PCDHA12: variants seen among roughly 807,000 people sequenced by gnomAD.
PCDHA12 encodes protocadherin alpha-12.
A neutral mutation model predicts 60.0 loss-of-function variants in PCDHA12; 44 were observed. The ratio of observed to expected loss-of-function variants is 0.73; its 90% CI spans 0.58 to 0.94. The LOEUF is 0.94. Among genes scored for constraint, PCDHA12 ranks in the 40% least tolerant of loss-of-function variants. The probability of loss-of-function intolerance (pLI) is 0.00; values close to 1 mark genes in which losing one functional copy is unlikely to be tolerated. For synonymous variants in PCDHA12, 569 were observed against 553.0 expected, an observed-to-expected ratio of 1.03 and a Z score of -0.40; for missense variants, 1,276 against 1,239.7, an observed-to-expected ratio of 1.03 and a Z score of -0.44.
At chr5:140,992,188 T>C (rs1193005639) in intron 3 of PCDHA12, among the ~76,000 whole-genome samples, 6 of 152,140 alleles carry the variant, frequency 3.9e-5, no homozygotes, top group African/African-American at 1.4e-4. Flanking sequence ...ATGCTTTCAG[T>C]GATCTATCCA....
chr5:140,938,945 T>C (rs1390189208), intron 1 of PCDHA12, among the ~76,000 whole-genome samples: 8 of 152,154 alleles, frequency 5.3e-5, no homozygotes, highest in African/African-American at 1.9e-4. Flanking sequence ...TCCATTCTTA[T>C]AATGCTCTAG....
At chr5:140,881,399 T>A in intron 1 of PCDHA12, 1 of 975,578 alleles carries the variant, frequency 1.0e-6, no homozygotes, top group Non-Finnish European at 1.2e-6. Flanking sequence ...TTAAATTCTA[T>A]TAAATCAATA....
chr5:140,928,719 T>C (rs1554206226), intron 1 of PCDHA12: 31 of 1,614,044 alleles, frequency 1.9e-5, no homozygotes, highest in Non-Finnish European at 2.5e-5. Flanking sequence ...CTAGTCTCTT[T>C]AGAATTTCAG....
At chr5:140,912,652 G>A (rs555103404) in intron 1 of PCDHA12, among the ~76,000 whole-genome samples, 2 of 152,132 alleles carry the variant, frequency 1.3e-5, no homozygotes, top group South Asian at 2.1e-4. Context: ...TTGAATAGAA[G>A]TGGTGAAAAT....
intron 1 of PCDHA12, among the ~76,000 whole-genome samples, chr5:140,897,778 T>C (rs1402383058): frequency 2.0e-5 from 3 of 152,208 alleles, no homozygotes; most frequent in Non-Finnish European, 2.9e-5. Context: ...ACTTCCACAA[T>C]GGTTGAACTA....
rs782227729 is a variant in PCDHA12 at position 140,875,769 on chromosome 5, C to A, written c.297C>A (p.Ser99Arg). 1 of 1,614,224 alleles carries A rather than the reference C, an allele frequency of 6.2e-7. No individual in the cohort carries two copies. The highest frequency in any genetic ancestry group is 1.1e-5 in the South Asian group (1 of 91,086). Residue 99 changes from serine (S) to arginine (R), a missense_variant, in exon 1 of 4, where the codon AGC becomes AGA. By Grantham distance (110) the Ser-to-Arg change is moderately radical. Transcript: ENST00000398631. ...RIDREKLCGR[S>R]AECSIHLEVI... ...ACCGCGAGAAGCTGTGCGGGCGGAG[C>A]GCGGAGTGCAGTATCCACCTGGAGG...
rs1350835757 is a variant in PCDHA12, at chr5:141,010,856, A to G, written c.*919A>G. Reference sequence around the variant, plus strand: ...CATAGATTTATTTAAAAAAAGAGAAAGTCTATAGCTATAAATCTTTAAAGA... The same window carrying G: ...CATAGATTTATTTAAAAAAAGAGAAGGTCTATAGCTATAAATCTTTAAAGA... On this transcript the variant is annotated 3_prime_UTR_variant, in exon 4 of 4. Coordinates refer to ENST00000398631, the MANE Select transcript of PCDHA12 (RefSeq NM_018903.4). The G allele has an allele frequency of 1.3e-5, 2 of 153,800 alleles. No homozygotes were observed. Among genetic ancestry groups the G allele is most frequent in the African/African-American group, 2.4e-5 (1 of 41,464 alleles). The allele number at this position is 153,800 out of a possible 1,614,324, so 9.5% of individuals were successfully genotyped here. A position where few individuals can be genotyped will look rare whatever the true frequency, so the allele number is the denominator to read the frequency against.
At chr5:140,995,860 A>C (rs1220139939) in intron 3 of PCDHA12, among the ~76,000 whole-genome samples, 1 of 152,220 alleles carries the variant, frequency 6.6e-6, no homozygotes, top group Non-Finnish European at 1.5e-5. Flanking sequence ...CGTATCACTT[A>C]ATAATTGTGC....
intron 1 of PCDHA12, among the ~76,000 whole-genome samples, chr5:140,925,600 A>G (rs1489455075): frequency 6.6e-6 from 1 of 151,508 alleles, no homozygotes; most frequent in African/African-American, 2.4e-5. Context: ...TACATATGTA[A>G]CAAACCTGCA....
rs920860677 is a variant in PCDHA12, at chr5:140,985,387, C to T, written c.2515+2824C>T. Among the ~76,000 whole-genome samples the T allele has an allele frequency of 3.0e-4, 45 of 152,272 alleles. 1 individual carries two copies. Among genetic ancestry groups the T allele is most frequent in the African/African-American group, 9.9e-4 (41 of 41,542 alleles). On this transcript the variant is annotated intron_variant, in intron 3 of 3. Transcript: ENST00000398631. ...GTTATCTGGGTCTATATAATCCAGTCACCCCAACTGTTCCCCTGGAAATGG... is the reference window on the plus strand; with the variant it reads ...GTTATCTGGGTCTATATAATCCAGTTACCCCAACTGTTCCCCTGGAAATGG...
At chr5:140,888,956 G>A (rs1043287613) in intron 1 of PCDHA12, among the ~76,000 whole-genome samples, 1 of 151,722 alleles carries the variant, frequency 6.6e-6, no homozygotes, top group Non-Finnish European at 1.5e-5. Context: ...TTTTTCTTTG[G>A]CAATGTTAAT....
At chr5:140,962,719 T>G (rs928199903) in intron 1 of PCDHA12, among the ~76,000 whole-genome samples, 1 of 152,224 alleles carries the variant, frequency 6.6e-6, no homozygotes, top group Non-Finnish European at 1.5e-5. Flanking sequence ...TTGGAAAGTA[T>G]TTTCCTTCTG....
intron 1 of PCDHA12, among the ~76,000 whole-genome samples, chr5:140,885,862 T>C (rs2060742623): frequency 6.6e-6 from 1 of 152,182 alleles, no homozygotes; most frequent in African/African-American, 2.4e-5. Flanking sequence ...TACTTTTCTA[T>C]TGAAAAAAAA....
rs191125107 is a variant in PCDHA12 at position 140,991,229 on chromosome 5, G to A, written c.2515+8666G>A. 1.4e-3 allele frequency among the ~76,000 whole-genome samples: 211 copies of A among 152,246 alleles called. 1 individual carries two copies. The highest frequency in any genetic ancestry group is 4.8e-3 in the African/African-American group (201 of 41,560). On this transcript the variant is annotated intron_variant, in intron 3 of 3. Coordinates refer to ENST00000398631, the MANE Select transcript of PCDHA12 (RefSeq NM_018903.4). ...AATTTTGTTAAATTCATTAATAAAT[G>A]CAGTGGTAAAGGCAGTATTTGAACT... is the stretch of plus-strand genomic sequence containing the variant.
At chr5:140,911,663 T>G (rs2075591717) in intron 1 of PCDHA12, among the ~76,000 whole-genome samples, 1 of 152,206 alleles carries the variant, frequency 6.6e-6, no homozygotes, top group Non-Finnish European at 1.5e-5. Context: ...CTAAACTCCT[T>G]GCCTCTCACG....
chr5:140,953,778 A>G (rs782648195), intron 1 of PCDHA12, among the ~76,000 whole-genome samples: 1 of 151,986 alleles, frequency 6.6e-6, no homozygotes, highest in Non-Finnish European at 1.5e-5. Flanking sequence ...ATATTTATTT[A>G]TTTTTTTCTT....
Position 140,877,299 on chromosome 5 carries a change from C to T in PCDHA12, c.1827C>T (p.Tyr609=). The change falls in exon 1 of 4, where the codon TAC becomes TAT. Residue 609 remains tyrosine (Y), a synonymous_variant. Coordinates refer to ENST00000398631, the MANE Select transcript of PCDHA12 (RefSeq NM_018903.4). ...ADSGYNAWLS[Y]ELQPAAVGAH... is the part of the protein sequence containing the mutation. ...CCGGCTATAACGCTTGGCTGTCCTA[C>T]GAGTTGCAACCGGCGGCGGTCGGCG... is the stretch of plus-strand genomic sequence containing the variant. 1 of 1,613,922 alleles carries T rather than the reference C, an allele frequency of 6.2e-7. No individual in the cohort carries two copies.
intron 1 of PCDHA12, among the ~76,000 whole-genome samples, chr5:140,953,627 T>C (rs1298172951): frequency 6.6e-6 from 1 of 152,178 alleles, no homozygotes; most frequent in Non-Finnish European, 1.5e-5. Context: ...ATTTGCTTTA[T>C]GTATTTTGGC....
intron 3 of PCDHA12, among the ~76,000 whole-genome samples, chr5:141,004,953 G>A (rs1409171628): frequency 7.2e-5 from 11 of 152,166 alleles, no homozygotes; most frequent in African/African-American, 2.4e-4. Context: ...ACCCTCTCTC[G>A]TCACTGCCTG....
Sources: allele counts gnomAD v4.1 joint callset (sites outside exome capture counted in the v4.1 genomes callset), GRCh38; gene constraint gnomAD v4.1.1; transcripts MANE v1.5; gene names NCBI Gene and HGNC (gene_info 2026-07-23, HGNC 2026-07-21).